Variants in CTNNA2 observed in about 807,000 individuals in gnomAD.
The protein encoded by CTNNA2 is catenin alpha 2.
In CTNNA2, 42 loss-of-function variants were observed where a neutral mutation model predicts 101.0. The ratio of observed to expected loss-of-function variants is 0.42; its 90% confidence interval spans 0.32 to 0.54. The LOEUF is 0.54. Ranked by LOEUF, CTNNA2 falls within the 20% of genes least tolerant of loss-of-function variation. The pLI is 0.14. For synonymous variants in CTNNA2, 450 were observed against 456.4 expected (o/e 0.99, Z 0.18); for missense variants, 871 against 1,223.1 (o/e 0.71, Z 4.29).
At chr2:80,317,466 T>G (rs576103362) in intron 7 of CTNNA2, among the ~76,000 whole-genome samples, 1 of 152,214 alleles carries the variant, frequency 6.6e-6, no homozygotes, top group African/African-American at 2.4e-5. Context: ...AAAGTGATTT[T>G]TCTGCATTCC....
intron 7 of CTNNA2, among the ~76,000 whole-genome samples, chr2:80,089,398 C>T (rs574915600): frequency 5.3e-5 from 8 of 152,086 alleles, no homozygotes; most frequent in African/African-American, 1.7e-4. Context: ...CTTAGAATCT[C>T]GGTTTCTTCT....
At chr2:80,452,321 T>C (rs558315504) in intron 9 of CTNNA2, among the ~76,000 whole-genome samples, 1 of 151,752 alleles carries the variant, frequency 6.6e-6, no homozygotes, top group African/African-American at 2.4e-5. Context: ...TTGTGTCTCC[T>C]ATTTGACAGG....
intron 1 of CTNNA2, among the ~76,000 whole-genome samples, chr2:79,528,322 T>C (rs1378754425): frequency 6.6e-6 from 1 of 151,932 alleles, no homozygotes; most frequent in African/African-American, 2.4e-5. Flanking sequence ...CACGATCCTC[T>C]CCCTTTGGTC....
chr2:79,841,254 T>A (rs931927424), intron 3 of CTNNA2, among the ~76,000 whole-genome samples: 3 of 152,162 alleles, frequency 2.0e-5, no homozygotes, highest in African/African-American at 2.4e-5. Flanking sequence ...ACTCAAGAAA[T>A]CTGAGTCCTA....
At chr2:79,766,187 C>T (rs890637419) in intron 3 of CTNNA2, among the ~76,000 whole-genome samples, 1 of 152,122 alleles carries the variant, frequency 6.6e-6, no homozygotes. Context: ...GAAGTGCTTC[C>T]TTTAACATGT....
chr2:79,274,264 G>A (rs1675156614), intron 2 of CTNNA2, among the ~76,000 whole-genome samples: 1 of 152,026 alleles, frequency 6.6e-6, no homozygotes, highest in African/African-American at 2.4e-5. Flanking sequence ...AGAGACTTGT[G>A]AGTGGTTAGC....
intron 7 of CTNNA2, among the ~76,000 whole-genome samples, chr2:79,987,752 C>T (rs1691869460): frequency 6.6e-6 from 1 of 152,174 alleles, no homozygotes; most frequent in African/African-American, 2.4e-5. Context: ...CTACCACAAC[C>T]ATGTCTAAAT....
At chr2:80,374,006 A>G (rs750155885) in intron 7 of CTNNA2, among the ~76,000 whole-genome samples, 3 of 152,028 alleles carry the variant, frequency 2.0e-5, no homozygotes, top group African/African-American at 7.3e-5. Context: ...CTGTTACACC[A>G]TATCTTAGTT....
At chr2:80,317,176 T>A (rs2149239663) in intron 7 of CTNNA2, among the ~76,000 whole-genome samples, 1 of 152,226 alleles carries the variant, frequency 6.6e-6, no homozygotes, top group African/African-American at 2.4e-5. Context: ...GATGAAGAGA[T>A]GGGAAGGAGG....
At chr2:79,558,562 A>G (rs1674582927) in intron 1 of CTNNA2, among the ~76,000 whole-genome samples, 1 of 151,920 alleles carries the variant, frequency 6.6e-6, no homozygotes, top group South Asian at 2.1e-4. Flanking sequence ...TATGTGGTAG[A>G]AGGGCCTCAG....
intron 2 of CTNNA2, among the ~76,000 whole-genome samples, chr2:79,212,928 G>T (rs1674194711): frequency 6.6e-6 from 1 of 152,182 alleles, no homozygotes; most frequent in African/African-American, 2.4e-5. Flanking sequence ...ATTTCCTTGA[G>T]GATAGATTTC....
chr2:79,574,329 AG>A (rs1675650254), intron 1 of CTNNA2: 1 of 152,148 alleles, frequency 6.6e-6, no homozygotes, highest in Admixed American at 6.6e-5. Context: ...TAATAAGCAT[AG>A]TACTCAAAAG....
At chr2:80,201,750 C>A (rs1221074902) in intron 7 of CTNNA2, among the ~76,000 whole-genome samples, 1 of 152,170 alleles carries the variant, frequency 6.6e-6, no homozygotes, top group Non-Finnish European at 1.5e-5. Flanking sequence ...ACATGCAGGA[C>A]TAATCTTGTA....
chr2:80,320,897 A>G (rs936053181), intron 7 of CTNNA2, among the ~76,000 whole-genome samples: 8 of 152,184 alleles, frequency 5.3e-5, no homozygotes, highest in African/African-American at 1.9e-4. Flanking sequence ...ATGAGTTTTA[A>G]TGTGTAACCA....
intron 7 of CTNNA2, among the ~76,000 whole-genome samples, chr2:80,375,209 C>G (rs6547308): frequency 0.4 from 60,201 of 151,942 alleles, 14,745 homozygotes; most frequent in African/African-American, 0.7. Context: ...GGAGAACGGA[C>G]ACAAGGGAGA....
intron 18 of CTNNA2, among the ~76,000 whole-genome samples, chr2:80,642,276 TCTC>T (rs1464651522): frequency 1.3e-5 from 2 of 152,132 alleles, no homozygotes; most frequent in African/African-American, 2.4e-5. Flanking sequence ...CTGTTTCCCT[TCTC>T]CTATCCCTAC....
intron 2 of CTNNA2, among the ~76,000 whole-genome samples, chr2:79,670,717 G>T (rs1395211816): frequency 6.6e-6 from 1 of 152,054 alleles, no homozygotes; most frequent in Non-Finnish European, 1.5e-5. Flanking sequence ...CATCACAGTG[G>T]TTCTGGATAA....
At chr2:79,580,098 C>T (rs983736900) in intron 1 of CTNNA2, among the ~76,000 whole-genome samples, 1 of 152,126 alleles carries the variant, frequency 6.6e-6, no homozygotes, top group Non-Finnish European at 1.5e-5. Flanking sequence ...ATTGTAGCAA[C>T]CCCATCTCTT....
intron 7 of CTNNA2, among the ~76,000 whole-genome samples, chr2:79,956,213 A>G (rs1272034279): frequency 3.9e-5 from 6 of 152,156 alleles, no homozygotes; most frequent in African/African-American, 2.4e-5. Flanking sequence ...TGTTTTACAC[A>G]CTGAGACTCC....
Sources: allele counts gnomAD v4.1 joint callset (sites outside exome capture counted in the v4.1 genomes callset), GRCh38; gene constraint gnomAD v4.1.1; transcripts MANE v1.5; gene names NCBI Gene and HGNC (gene_info 2026-07-23, HGNC 2026-07-21).